The following TAFA5 variants were observed in gnomAD, a reference collection of about 807,000 sequenced individuals.
The protein encoded by TAFA5 is TAFA chemokine like family member 5.
A neutral mutation model predicts 15.3 loss-of-function variants in TAFA5; 6 were observed. The observed-to-expected ratio is 0.39, with a 90% CI of 0.21 to 0.77. TAFA5 has a LOEUF of 0.77. Ranked by LOEUF, TAFA5 falls within the 30% of genes least tolerant of loss-of-function variation. The pLI is 0.41. For synonymous variants in TAFA5, 103 were observed against 80.7 expected (o/e 1.28, Z -1.48); for missense variants, 161 against 193.1 (o/e 0.83, Z 0.98).
At chr22:48,625,020 C>T (rs973747993) in intron 1 of TAFA5, among the ~76,000 whole-genome samples, 9 of 151,746 alleles carry the variant, frequency 5.9e-5, no homozygotes, top group Admixed American at 1.3e-4. Flanking sequence ...GAGGCTGAGG[C>T]AGGAGAATTG....
chr22:48,639,025 A>T (rs1308346042), intron 1 of TAFA5, among the ~76,000 whole-genome samples: 1 of 152,102 alleles, frequency 6.6e-6, no homozygotes, highest in Non-Finnish European at 1.5e-5. Flanking sequence ...CGGGACCCCG[A>T]CACTAAGCCC....
At chr22:48,515,698 G>A (rs1241551636) in intron 1 of TAFA5, among the ~76,000 whole-genome samples, 1 of 152,210 alleles carries the variant, frequency 6.6e-6, no homozygotes, top group Admixed American at 6.5e-5. Context: ...AATGCAAGCG[G>A]GAGGCCCCCG....
intron 1 of TAFA5, among the ~76,000 whole-genome samples, chr22:48,609,410 C>T (rs558828860): frequency 6.6e-6 from 1 of 152,226 alleles, no homozygotes; most frequent in South Asian, 2.1e-4. Flanking sequence ...AGACCTGTGG[C>T]ATCACTGGCC....
intron 1 of TAFA5, among the ~76,000 whole-genome samples, chr22:48,605,725 A>C (rs976021162): frequency 1.3e-5 from 2 of 152,166 alleles, no homozygotes; most frequent in Non-Finnish European, 2.9e-5. Context: ...TGATTCTAAA[A>C]TTGGGGCTTT....
chr22:48,675,864 C>A (rs1927955915), intron 2 of TAFA5, among the ~76,000 whole-genome samples: 1 of 152,276 alleles, frequency 6.6e-6, no homozygotes, highest in Admixed American at 6.5e-5. Context: ...GAAGGCCCTG[C>A]AGGTGGCTCA....
At chr22:48,551,857 C>G (rs1339324793) in intron 1 of TAFA5, among the ~76,000 whole-genome samples, 2 of 152,228 alleles carry the variant, frequency 1.3e-5, no homozygotes, top group Non-Finnish European at 2.9e-5. Flanking sequence ...CTGCCCCGCG[C>G]TTTCCCATGG....
intron 2 of TAFA5, among the ~76,000 whole-genome samples, chr22:48,680,886 G>A (rs2147230139): frequency 6.6e-6 from 1 of 152,348 alleles, no homozygotes; most frequent in South Asian, 2.1e-4. Flanking sequence ...TCTCATCTTA[G>A]GGCGCCCGGG....
At chr22:48,499,121 G>A (rs979500068) in intron 1 of TAFA5, among the ~76,000 whole-genome samples, 16 of 152,188 alleles carry the variant, frequency 1.1e-4, no homozygotes, top group African/African-American at 3.4e-4. Context: ...GTCTCTGCAC[G>A]TTTCCACACA....
At chr22:48,702,529 C>T (rs1476899339) in intron 2 of TAFA5, among the ~76,000 whole-genome samples, 7 of 152,144 alleles carry the variant, frequency 4.6e-5, no homozygotes, top group Non-Finnish European at 7.4e-5. Context: ...GACATAAATA[C>T]GCATGAGACC....
At chr22:48,695,178 G>A (rs567162377) in intron 2 of TAFA5, among the ~76,000 whole-genome samples, 1 of 152,068 alleles carries the variant, frequency 6.6e-6, no homozygotes, top group Non-Finnish European at 1.5e-5. Context: ...GTGTGTGTGT[G>A]TGTGATTTGT....
chr22:48,583,128 G>C (rs1280918855), intron 1 of TAFA5, among the ~76,000 whole-genome samples: 3 of 58,440 alleles, frequency 5.1e-5, no homozygotes, highest in Non-Finnish European at 1.1e-4. Context: ...CACATCACAC[G>C]CCACACACAC....
At position 48,622,997 on chromosome 22, in the gene TAFA5, C is replaced by T. The variant is rs80352649; in HGVS notation, c.113-23600C>T. Among the ~76,000 whole-genome samples the T allele has an allele frequency of 3.0e-3, 463 of 152,368 alleles. 14 individuals are homozygous for T. The South Asian group carries it at 0.052, about 17-fold the overall frequency. On this transcript the variant is annotated intron_variant, in intron 1 of 3. Transcript: ENST00000402357. Reference sequence around the variant, plus strand: ...TCGCTCCATTCACAGCGTGGTTTTCCTCCCCAGAAGCTCTTAACTCCAGAC... The same window carrying T: ...TCGCTCCATTCACAGCGTGGTTTTCTTCCCCAGAAGCTCTTAACTCCAGAC...
At chr22:48,593,496 AG>A (rs1053741380) in intron 1 of TAFA5, among the ~76,000 whole-genome samples, 1 of 149,774 alleles carries the variant, frequency 6.7e-6, no homozygotes, top group African/African-American at 2.5e-5. Context: ...CTCAGGGCAC[AG>A]GACTGATGGG....
At chr22:48,669,455 T>C (rs1441731573) in intron 2 of TAFA5, among the ~76,000 whole-genome samples, 1 of 152,228 alleles carries the variant, frequency 6.6e-6, no homozygotes, top group African/African-American at 2.4e-5. Flanking sequence ...CAGGTGCCCA[T>C]GTCTCCGCCT....
At chr22:48,690,187 G>A (rs1401096079) in intron 2 of TAFA5, among the ~76,000 whole-genome samples, 2 of 152,118 alleles carry the variant, frequency 1.3e-5, no homozygotes, top group Non-Finnish European at 2.9e-5. Context: ...CAAGGGGACG[G>A]GGCTCCCAGC....
In TAFA5 at chr22:48,646,635, G is replaced by C; in HGVS notation, c.151G>C (p.Asp51His). Residue 51 changes from aspartate (D) to histidine (H), a missense_variant, in exon 2 of 4, where the codon GAC becomes CAC. Transcript: ENST00000402357. ...CGGCACCTGTGAGATTGTGACCTTG[G>C]ACCGGGACAGCAGCCAGCCTCGGAG... is the stretch of plus-strand genomic sequence containing the variant. The part of the protein sequence containing the change: ...AAGTCEIVTL[D>H]RDSSQPRRTI... 6.2e-7 allele frequency: 1 copy of C among 1,612,488 alleles called. No homozygotes were observed. The highest frequency in any genetic ancestry group is 8.5e-7 in the Non-Finnish European group (1 of 1,179,750).
intron 2 of TAFA5, among the ~76,000 whole-genome samples, chr22:48,691,035 C>T (rs1403250489): frequency 6.6e-6 from 1 of 152,170 alleles, no homozygotes; most frequent in Non-Finnish European, 1.5e-5. Flanking sequence ...CCGTCAATCT[C>T]CAGTGGTCAA....
At chr22:48,702,269 TGGCACC>T in intron 2 of TAFA5, among the ~76,000 whole-genome samples, 1 of 152,214 alleles carries the variant, frequency 6.6e-6, no homozygotes. Context: ...TGGGGCTGAC[TGGCACC>T]TTAGAGAAGT....
intron 3 of TAFA5, among the ~76,000 whole-genome samples, chr22:48,737,930 A>G (rs1326941555): frequency 6.6e-6 from 1 of 152,018 alleles, no homozygotes; most frequent in Non-Finnish European, 1.5e-5. Flanking sequence ...GTCACTGTGC[A>G]GCCCTGTTGT....
Sources: allele counts gnomAD v4.1 joint callset (sites outside exome capture counted in the v4.1 genomes callset), GRCh38; gene constraint gnomAD v4.1.1; transcripts MANE v1.5; gene names NCBI Gene and HGNC (gene_info 2026-07-23, HGNC 2026-07-21).